DST: variants seen among roughly 807,000 people sequenced by gnomAD.
The protein encoded by DST is dystonin, also known as bullous pemphigoid antigen.
DST carries 253 observed loss-of-function variants against 875.2 expected under a neutral mutation model. The observed-to-expected ratio is 0.29, with a 90% confidence interval of 0.26 to 0.32. The LOEUF (loss-of-function observed/expected upper bound fraction) is 0.32. Ranked by LOEUF, DST falls within the 10% of genes least tolerant of loss-of-function variation. The probability of loss-of-function intolerance (pLI) is 1.00; values close to 1 mark genes in which losing one functional copy is unlikely to be tolerated. For synonymous variants in DST, 3,124 were observed against 3,197.1 expected, an observed-to-expected ratio of 0.98 and a Z score of 0.77; for missense variants, 8,287 against 9,111.6, an observed-to-expected ratio of 0.91 and a Z score of 3.68.
chr6:56,892,528 G>T (rs575090339), intron 3 of DST, among the ~76,000 whole-genome samples: 2 of 151,712 alleles, frequency 1.3e-5, no homozygotes, highest in South Asian at 4.2e-4. Flanking sequence ...GTCTCCCTAT[G>T]TTGCCCAGGC....
chr6:56,942,989 G>C lies in DST; in HGVS notation c.216+10796C>G, dbSNP rs144816103. 3.5e-3 allele frequency among the ~76,000 whole-genome samples: 529 copies of C among 152,174 alleles called. 1 individual carries two copies. Among genetic ancestry groups the C allele is most frequent in the African/African-American group, 0.012 (509 of 41,508 alleles). On this transcript the variant is annotated intron_variant, in intron 2 of 103. Coordinates refer to ENST00000680361, the MANE Select transcript of DST (RefSeq NM_001374736.1). The stretch of plus-strand genomic sequence containing the variant: ...TCCCGCATCTGCCTCCCAAAGTGCT[G>C]GGATTACAGGCATGAGCTACCATAT...
intron 4 of DST, among the ~76,000 whole-genome samples, chr6:56,829,955 T>C (rs905790396): frequency 6.6e-6 from 1 of 151,992 alleles, no homozygotes; most frequent in African/African-American, 2.4e-5. Context: ...GCTTCCTTTA[T>C]TGTTGAATTT....
chr6:56,644,025 T>C (rs975734707), intron 15 of DST, among the ~76,000 whole-genome samples: 1 of 152,206 alleles, frequency 6.6e-6, no homozygotes, highest in East Asian at 1.9e-4. Context: ...TTGTCTAACA[T>C]CATACAACTT....
At chr6:56,864,174 C>A (rs954718016) in intron 3 of DST, 2 of 152,204 alleles carry the variant, frequency 1.3e-5, no homozygotes, top group Admixed American at 6.5e-5. Context: ...AACATAGAGA[C>A]CTTGCCTGAG....
chr6:56,558,531 G>C (rs1253407998), intron 58 of DST, among the ~76,000 whole-genome samples: 1 of 152,040 alleles, frequency 6.6e-6, no homozygotes, highest in Non-Finnish European at 1.5e-5. Flanking sequence ...AGCACACTTG[G>C]AGAACTAATG....
intron 39 of DST, 37 bp from the exon 40 acceptor site, chr6:56,609,381 T>C: frequency 6.9e-7 from 1 of 1,456,870 alleles, no homozygotes; most frequent in South Asian, 1.3e-5. Flanking sequence ...GTCACTCTGT[T>C]ACACAAGGGT....
intron 93 of DST, among the ~76,000 whole-genome samples, chr6:56,473,310 T>C (rs572581450): frequency 6.6e-6 from 1 of 152,368 alleles, no homozygotes; most frequent in Non-Finnish European, 1.5e-5. Flanking sequence ...AATGCATTTC[T>C]ATTCAGAAAC....
chr6:56,591,936 C>T (rs1303175183), intron 49 of DST, among the ~76,000 whole-genome samples: 11 of 136,646 alleles, frequency 8.1e-5, no homozygotes, highest in Admixed American at 3.2e-4. Context: ...GAGCTGAGAT[C>T]ACACTACTGC....
At chr6:56,618,328 G>A in intron 36 of DST, 4 of 1,614,150 alleles carry the variant, frequency 2.5e-6, no homozygotes, top group South Asian at 2.2e-5. Context: ...TTGGGTGAAG[G>A]TGTCCAGTGT....
At chr6:56,630,809 G>A (rs2098772842) in intron 30 of DST, among the ~76,000 whole-genome samples, 1 of 148,966 alleles carries the variant, frequency 6.7e-6, no homozygotes, top group Admixed American at 6.7e-5. Context: ...TTGAAATGGA[G>A]TCTTCCTCTG....
At chr6:56,837,092 A>G (rs151205190) in intron 4 of DST, among the ~76,000 whole-genome samples, 117 of 152,224 alleles carry the variant, frequency 7.7e-4, no homozygotes, top group African/African-American at 2.6e-3. Context: ...GGTATTACTT[A>G]AAGCGCTCTA....
At chr6:56,614,123 T>C (rs2098586045) in intron 37 of DST, among the ~76,000 whole-genome samples, 1 of 152,210 alleles carries the variant, frequency 6.6e-6, no homozygotes. Flanking sequence ...ATTCGTTTAC[T>C]AAAAATAAGA....
intron 103 of DST, among the ~76,000 whole-genome samples, chr6:56,459,901 A>G (rs1217487567): frequency 6.6e-6 from 1 of 152,174 alleles, no homozygotes; most frequent in Admixed American, 6.5e-5. Flanking sequence ...ATACCACTGT[A>G]TATTTTCCTC....
At chr6:56,761,814 A>T (rs1039041001) in intron 4 of DST, among the ~76,000 whole-genome samples, 10 of 152,246 alleles carry the variant, frequency 6.6e-5, no homozygotes, top group African/African-American at 2.2e-4. Context: ...TCAAAAAAGA[A>T]GAACTTACAT....
At chr6:56,490,864 C>T (rs1178321314) in intron 85 of DST, among the ~76,000 whole-genome samples, 1 of 152,090 alleles carries the variant, frequency 6.6e-6, no homozygotes, top group Admixed American at 6.6e-5. Context: ...AGAGGAAATG[C>T]TATACATTTG....
At chr6:56,818,390 C>A (rs1315513023) in intron 4 of DST, among the ~76,000 whole-genome samples, 1 of 152,128 alleles carries the variant, frequency 6.6e-6, no homozygotes, top group Non-Finnish European at 1.5e-5. Context: ...GTATATATAA[C>A]ATGGGTAATG....
At chr6:56,786,913 C>T (rs1178558484) in intron 4 of DST, among the ~76,000 whole-genome samples, 1 of 152,164 alleles carries the variant, frequency 6.6e-6, no homozygotes, top group Non-Finnish European at 1.5e-5. Flanking sequence ...TCATCCATCA[C>T]CTGAATGTGG....
intron 2 of DST, among the ~76,000 whole-genome samples, chr6:56,949,668 C>G (rs904270840): frequency 6.6e-5 from 10 of 152,160 alleles, no homozygotes; most frequent in Non-Finnish European, 1.2e-4. Flanking sequence ...ATCATGTGCA[C>G]ACTTACAACT....
intron 53 of DST, among the ~76,000 whole-genome samples, chr6:56,570,923 G>A (rs2097771020): frequency 6.6e-6 from 1 of 152,112 alleles, no homozygotes; most frequent in Admixed American, 6.6e-5. Flanking sequence ...CTGACATGAG[G>A]AAAACATAAT....
Sources: allele counts gnomAD v4.1 joint callset (sites outside exome capture counted in the v4.1 genomes callset), GRCh38; gene constraint gnomAD v4.1.1; transcripts MANE v1.5; gene names NCBI Gene and HGNC (gene_info 2026-07-23, HGNC 2026-07-21).